Variants in GLYATL3 observed in about 807,000 individuals in gnomAD.
The protein encoded by GLYATL3 is glycine N-acyltransferase-like protein 3.
In GLYATL3, 31 loss-of-function variants were observed where a neutral mutation model predicts 28.5. The observed-to-expected ratio is 1.09, with a 90% CI of 0.82 to 1.47. The LOEUF (loss-of-function observed/expected upper bound fraction) is 1.47, where lower values mean the gene tolerates loss of function less well. GLYATL3 is among the 40% of genes most tolerant of loss of function. The pLI is 0.00. For synonymous variants in GLYATL3, 141 were observed against 140.2 expected, an observed-to-expected ratio of 1.01 and a Z score of -0.04; for missense variants, 369 against 351.5, an observed-to-expected ratio of 1.05 and a Z score of -0.40.
At position 49,526,729 on chromosome 6, in the gene GLYATL3, C is replaced by T. The variant is rs376706437; in HGVS notation, c.682C>T (p.Arg228Trp). ...AGAACATCGCAGGAAAGGTTACAGC[C>T]GGCTGGTGGCCCTCACGCTGGCCAG... is the stretch of plus-strand genomic sequence containing the variant. Reference protein sequence around the residue: ...LPEHRRKGYSRLVALTLARKL... With the variant: ...LPEHRRKGYSWLVALTLARKL... The change falls in exon 6 of 6, where the codon CGG becomes TGG. Residue 228 changes from arginine (R) to tryptophan (W), a missense_variant. Coordinates refer to ENST00000371197, the MANE Select transcript of GLYATL3 (RefSeq NM_001010904.2). The T allele has an allele frequency of 8.4e-6, 13 of 1,551,650 alleles. No homozygotes were observed. The highest frequency in any genetic ancestry group is 4.9e-5 in the East Asian group (2 of 40,916).
chr6:49,509,501 T>C (rs1373521662), intron 1 of GLYATL3, among the ~76,000 whole-genome samples: 1 of 152,202 alleles, frequency 6.6e-6, no homozygotes, highest in Non-Finnish European at 1.5e-5. Flanking sequence ...AGTGCTATGC[T>C]TTTGGTCCAT....
At chr6:49,525,748 T>C (rs138277846) in intron 5 of GLYATL3, among the ~76,000 whole-genome samples, 7 of 152,094 alleles carry the variant, frequency 4.6e-5, no homozygotes, top group East Asian at 3.9e-4. Context: ...TTAGGTATAT[T>C]TGGGCATGGT....
intron 4 of GLYATL3, among the ~76,000 whole-genome samples, chr6:49,520,945 G>A (rs536444257): frequency 6.6e-6 from 1 of 152,314 alleles, no homozygotes; most frequent in East Asian, 1.9e-4. Flanking sequence ...GAGCCCAGGA[G>A]TTCATGGTTA....
intron 5 of GLYATL3, among the ~76,000 whole-genome samples, chr6:49,523,790 A>G (rs1313735586): frequency 6.6e-6 from 1 of 152,162 alleles, no homozygotes; most frequent in Non-Finnish European, 1.5e-5. Context: ...AATACATCTG[A>G]AGTTTCCTTT....
intron 1 of GLYATL3, among the ~76,000 whole-genome samples, chr6:49,510,463 A>T (rs1195677221): frequency 6.6e-6 from 1 of 152,234 alleles, no homozygotes; most frequent in Non-Finnish European, 1.5e-5. Context: ...TTCAGGCATA[A>T]AAAGATCTCT....
intron 1 of GLYATL3, among the ~76,000 whole-genome samples, chr6:49,508,219 C>A (rs1769050169): frequency 6.6e-6 from 1 of 151,952 alleles, no homozygotes; most frequent in Non-Finnish European, 1.5e-5. Context: ...TGGCGTGAAC[C>A]CGGGAGGCAG....
chr6:49,527,490 T>C lies in GLYATL3; in HGVS notation c.*576T>C, dbSNP rs1432666357. ...TCACTGCCCTGGGAATGTTCAAATA[T>C]AGTGGTTCTTACATTTTAGTGTTTA... is the stretch of plus-strand genomic sequence containing the variant. On this transcript the variant is annotated 3_prime_UTR_variant, in exon 6 of 6. Coordinates refer to ENST00000371197, the MANE Select transcript of GLYATL3 (RefSeq NM_001010904.2). Among the ~76,000 whole-genome samples, 4 of 152,194 alleles carry C rather than the reference T, an allele frequency of 2.6e-5. No homozygotes were observed. Among genetic ancestry groups the C allele is most frequent in the Non-Finnish European group, 5.9e-5 (4 of 68,042 alleles).
chr6:49,508,289 C>T (rs746197827), intron 1 of GLYATL3, among the ~76,000 whole-genome samples: 1 of 152,060 alleles, frequency 6.6e-6, no homozygotes, highest in East Asian at 1.9e-4. Flanking sequence ...CAGTGAGACT[C>T]CCTCTCAAAC....
chr6:49,504,026 C>T (rs1419936098), intron 1 of GLYATL3, among the ~76,000 whole-genome samples: 1 of 151,866 alleles, frequency 6.6e-6, no homozygotes, highest in Non-Finnish European at 1.5e-5. Context: ...CGTCATGGCT[C>T]GAATAAGAAG....
chr6:49,523,338 A>ATG (rs1242914670), intron 5 of GLYATL3, among the ~76,000 whole-genome samples: 3 of 152,222 alleles, frequency 2.0e-5, no homozygotes, highest in African/African-American at 7.2e-5. Context: ...GATTACAGGC[A>ATG]TGAGCCACCG....
rs9395504 is a variant in GLYATL3 at position 49,527,220 on chromosome 6, C to T, written c.*306C>T. 0.4 allele frequency among the ~76,000 whole-genome samples: 60,794 copies of T among 151,932 alleles called. 12,773 individuals carry two copies. The highest frequency in any genetic ancestry group is 0.55 in the Admixed American group (8,430 of 15,278). ...TTTAGTGTACTAGGAGAAATTACTGCATGAGAACAAATGATTTAACAGAGG... is the reference window on the plus strand; with the variant it reads ...TTTAGTGTACTAGGAGAAATTACTGTATGAGAACAAATGATTTAACAGAGG... On this transcript the variant is annotated 3_prime_UTR_variant, in exon 6 of 6. Coordinates refer to ENST00000371197, the MANE Select transcript of GLYATL3 (RefSeq NM_001010904.2).
At chr6:49,525,620 G>C (rs945457670) in intron 5 of GLYATL3, among the ~76,000 whole-genome samples, 6 of 130,766 alleles carry the variant, frequency 4.6e-5, no homozygotes, top group Non-Finnish European at 8.1e-5. Context: ...TTTGAGCAAA[G>C]AACAGTTCAT....
chr6:49,513,960 ATAAGGGAGG>A (rs2127432490), intron 2 of GLYATL3, among the ~76,000 whole-genome samples: 1 of 152,284 alleles, frequency 6.6e-6, no homozygotes, highest in East Asian at 1.9e-4. Context: ...CAAAAAAGTG[ATAAGGGAGG>A]TAAATGTAGG....
chr6:49,509,940 TTTTC>T (rs1174225566), intron 1 of GLYATL3, among the ~76,000 whole-genome samples: 1 of 124,580 alleles, frequency 8.0e-6, no homozygotes, highest in Admixed American at 8.4e-5. Context: ...ATTTTACGTA[TTTTC>T]TTTCTCTTTC....
rs1769270419 is a variant in GLYATL3 at position 49,519,127 on chromosome 6, T to C, written c.313+1571T>C. 3.3e-5 allele frequency among the ~76,000 whole-genome samples: 5 copies of C among 152,290 alleles called. No individual in the cohort carries two copies. The South Asian group carries it at 1.0e-3, about 32-fold the overall frequency. ...GGTATTACTTTAACATGGAAATGAA[T>C]AAATTTCCTCATTGGTGTGAAAAAT... On this transcript the variant is annotated intron_variant, in intron 4 of 5. Coordinates refer to ENST00000371197, the MANE Select transcript of GLYATL3 (RefSeq NM_001010904.2).
chr6:49,522,755 T>C (rs1026062002), intron 5 of GLYATL3, among the ~76,000 whole-genome samples: 2 of 152,202 alleles, frequency 1.3e-5, no homozygotes, highest in African/African-American at 4.8e-5. Flanking sequence ...AGAATGTACA[T>C]TTTAAGTCAT....
rs182688664 is a variant in GLYATL3 at position 49,525,441 on chromosome 6, G to A, written c.441-1047G>A. Among the ~76,000 whole-genome samples, 100 of 151,674 alleles carry A rather than the reference G, an allele frequency of 6.6e-4. No homozygotes were observed. The Middle Eastern group carries it at 0.024, about 36-fold the overall frequency. ...ATTAGCCAGGCGTGGTGGCACACCT[G>A]TAATCCCACACGCACGTGAGGCTGA... On this transcript the variant is annotated intron_variant, in intron 5 of 5. Coordinates refer to ENST00000371197, the MANE Select transcript of GLYATL3 (RefSeq NM_001010904.2).
At chr6:49,521,909 G>A (rs1769323451) in intron 5 of GLYATL3, 138 bp downstream of exon 5, 3 of 648,472 alleles carry the variant, frequency 4.6e-6, no homozygotes, top group Admixed American at 5.8e-5. Context: ...ACGGGAGTAT[G>A]TGTGTGAGTG....
chr6:49,506,912 C>A (rs754963347), intron 1 of GLYATL3, among the ~76,000 whole-genome samples: 7 of 151,816 alleles, frequency 4.6e-5, no homozygotes, highest in African/African-American at 1.7e-4. Context: ...AGAAGGGGTC[C>A]CGGAGTGTTG....
Sources: allele counts gnomAD v4.1 joint callset (sites outside exome capture counted in the v4.1 genomes callset), GRCh38; gene constraint gnomAD v4.1.1; transcripts MANE v1.5; gene names NCBI Gene and HGNC (gene_info 2026-07-23, HGNC 2026-07-21).